The following HPSE2 variants were observed in gnomAD, a reference collection of about 807,000 sequenced individuals.
HPSE2 encodes heparanase 2 (inactive), also known as inactive heparanase-2.
In HPSE2, 38 loss-of-function variants were observed where a neutral mutation model predicts 60.5. The ratio of observed to expected loss-of-function variants is 0.63; its 90% CI spans 0.48 to 0.82. HPSE2 has a LOEUF of 0.82. Among genes scored for constraint, HPSE2 ranks in the 40% least tolerant of loss-of-function variants. The pLI is 0.00. For synonymous variants in HPSE2, 295 were observed against 293.2 expected, an observed-to-expected ratio of 1.01 and a Z score of -0.06; for missense variants, 713 against 740.4, an observed-to-expected ratio of 0.96 and a Z score of 0.43.
chr10:98,662,954 C>A (rs1003229625), intron 6 of HPSE2, among the ~76,000 whole-genome samples: 1 of 152,016 alleles, frequency 6.6e-6, no homozygotes, highest in African/African-American at 2.4e-5. Flanking sequence ...CAATAAAGAA[C>A]AACTTGATGA....
At chr10:99,052,867 AG>A (rs1958021812) in intron 3 of HPSE2, among the ~76,000 whole-genome samples, 1 of 152,174 alleles carries the variant, frequency 6.6e-6, no homozygotes, top group Non-Finnish European at 1.5e-5. Context: ...GAACAAATGC[AG>A]AGAGGATTTA....
intron 3 of HPSE2, among the ~76,000 whole-genome samples, chr10:99,014,892 G>A (rs954964015): frequency 5.3e-5 from 8 of 152,088 alleles, no homozygotes; most frequent in Admixed American, 5.2e-4. Flanking sequence ...CCAACCTACA[G>A]AATGGGAGAA....
rs1847741763 is a variant in HPSE2, at chr10:99,180,933, A to G, written c.449-36534T>C. Among the ~76,000 whole-genome samples the G allele has an allele frequency of 3.6e-5, 5 of 139,438 alleles. No individual in the cohort carries two copies. In the South Asian group the frequency reaches 9.7e-4, roughly 27 times the overall value. 91.5% of individuals were successfully genotyped at this position (139,438 alleles called of 152,430 possible). A position where few individuals can be genotyped will look rare whatever the true frequency, so the allele number is the denominator to read the frequency against. On this transcript the variant is annotated intron_variant, in intron 2 of 11. Transcript: ENST00000370552. Reference sequence around the variant, plus strand: ...AAAAAAAAAAACACAGATGCTGGAGAGGATGTGGAGAAATAGGAACACTTT... The same window carrying G: ...AAAAAAAAAAACACAGATGCTGGAGGGGATGTGGAGAAATAGGAACACTTT...
At chr10:99,057,226 A>G (rs950163122) in intron 3 of HPSE2, among the ~76,000 whole-genome samples, 1 of 152,204 alleles carries the variant, frequency 6.6e-6, no homozygotes, top group African/African-American at 2.4e-5. Context: ...TAAAGTTACA[A>G]TATGGGAAAA....
At chr10:98,576,021 G>A (rs1944630438) in intron 9 of HPSE2, among the ~76,000 whole-genome samples, 1 of 152,058 alleles carries the variant, frequency 6.6e-6, no homozygotes, top group Non-Finnish European at 1.5e-5. Context: ...GCTAAAAATT[G>A]AAATTGATTC....
chr10:98,626,048 G>T (rs577407891), intron 7 of HPSE2, among the ~76,000 whole-genome samples: 25 of 150,870 alleles, frequency 1.7e-4, no homozygotes, highest in East Asian at 1.2e-3. Flanking sequence ...GGAGCTTGCA[G>T]TGAGCCGAGA....
intron 3 of HPSE2, among the ~76,000 whole-genome samples, chr10:98,813,327 G>A (rs2134579682): frequency 6.6e-6 from 1 of 152,204 alleles, no homozygotes; most frequent in Non-Finnish European, 1.5e-5. Flanking sequence ...CTAGTATTCT[G>A]TGTCTCTAAA....
intron 3 of HPSE2, among the ~76,000 whole-genome samples, chr10:98,910,831 A>T (rs942922508): frequency 1.2e-4 from 19 of 152,184 alleles, no homozygotes; most frequent in East Asian, 9.6e-4. Flanking sequence ...TTGAAAAAAA[A>T]TTTTTAAGGT....
the HPSE2 span, among the ~76,000 whole-genome samples, chr10:99,267,443 A>AT: frequency 1.2e-4 from 18 of 151,784 alleles, no homozygotes; most frequent in Middle Eastern, 3.4e-3. Context: ...AAGAAAAAAA[A>AT]TTTTTTTTAA....
chr10:98,860,953 G>A (rs766107286), intron 3 of HPSE2, among the ~76,000 whole-genome samples: 1 of 152,196 alleles, frequency 6.6e-6, no homozygotes, highest in Non-Finnish European at 1.5e-5. Flanking sequence ...AGCTCATTCA[G>A]GGCAAGAAAC....
rs114292654 is a variant in HPSE2 at position 99,019,348 on chromosome 10, T to A, written c.610+124890A>T. The stretch of plus-strand genomic sequence containing the variant: ...ATATTACTTCAAGATGTCCTCTGCA[T>A]CAGAGGCATCTCACTATATGGGAGT... On this transcript the variant is annotated intron_variant, in intron 3 of 11. Coordinates refer to ENST00000370552, the MANE Select transcript of HPSE2 (RefSeq NM_021828.5). Among the ~76,000 whole-genome samples the A allele has an allele frequency of 5.0e-3, 765 of 152,314 alleles. 9 individuals are homozygous for A. Among genetic ancestry groups the A allele is most frequent in the African/African-American group, 0.018 (729 of 41,574 alleles).
intron 3 of HPSE2, among the ~76,000 whole-genome samples, chr10:98,931,395 G>C (rs1169210863): frequency 6.9e-6 from 1 of 144,044 alleles, no homozygotes; most frequent in Admixed American, 6.9e-5. Flanking sequence ...TTTGAAGTTG[G>C]GTAGCATGAT....
intron 3 of HPSE2, among the ~76,000 whole-genome samples, chr10:98,857,296 T>A (rs1952341771): frequency 6.6e-6 from 1 of 152,186 alleles, no homozygotes; most frequent in South Asian, 2.1e-4. Flanking sequence ...GGAGTTCTTA[T>A]CTGTACTTTG....
chr10:98,949,702 C>A (rs1300684756), intron 3 of HPSE2, among the ~76,000 whole-genome samples: 1 of 152,018 alleles, frequency 6.6e-6, no homozygotes, highest in Non-Finnish European at 1.5e-5. Flanking sequence ...AAAAGTCATG[C>A]CTAATATAGA....
chr10:99,146,669 C>T (rs112084513), intron 2 of HPSE2, among the ~76,000 whole-genome samples: 1,662 of 152,154 alleles, frequency 0.011, 33 homozygotes, highest in African/African-American at 0.037. Context: ...CAAGACCAGC[C>T]TGGCAACACG....
chr10:99,280,807 C>T, the HPSE2 span, among the ~76,000 whole-genome samples: 1 of 152,138 alleles, frequency 6.6e-6, no homozygotes, highest in Non-Finnish European at 1.5e-5. Flanking sequence ...TTTAATTGTT[C>T]TGTGACCTTG....
chr10:99,112,785 AACAG>A (rs774107829), intron 3 of HPSE2, among the ~76,000 whole-genome samples: 48 of 152,312 alleles, frequency 3.2e-4, no homozygotes, highest in Non-Finnish European at 5.0e-4. Context: ...TTTCTAATGA[AACAG>A]ACAGAACACT....
chr10:99,255,594 AC>A, the HPSE2 span, among the ~76,000 whole-genome samples: 10 of 150,910 alleles, frequency 6.6e-5, no homozygotes, highest in Non-Finnish European at 1.2e-4. Flanking sequence ...ACACACACAC[AC>A]GACTACAATA....
chr10:98,518,051 G>A (rs1383060493), intron 9 of HPSE2, among the ~76,000 whole-genome samples: 1 of 152,152 alleles, frequency 6.6e-6, no homozygotes, highest in Non-Finnish European at 1.5e-5. Flanking sequence ...CCCAAAACAT[G>A]GTGAGAAGAG....
Sources: allele counts gnomAD v4.1 joint callset (sites outside exome capture counted in the v4.1 genomes callset), GRCh38; gene constraint gnomAD v4.1.1; transcripts MANE v1.5; gene names NCBI Gene and HGNC (gene_info 2026-07-23, HGNC 2026-07-21).